CNTNAP5: variants seen among roughly 807,000 people sequenced by gnomAD.
The protein encoded by CNTNAP5 is contactin-associated protein-like 5.
In CNTNAP5, 72 loss-of-function variants were observed where a neutral mutation model predicts 150.2. That is an observed-to-expected ratio of 0.48 (90% CI 0.40 to 0.58). The LOEUF (loss-of-function observed/expected upper bound fraction) is 0.58. Among genes scored for constraint, CNTNAP5 ranks in the 20% least tolerant of loss-of-function variants. The probability of loss-of-function intolerance (pLI) is 0.00; values close to 1 mark genes in which losing one functional copy is unlikely to be tolerated. For missense variants in CNTNAP5, 1,636 were observed against 1,626.2 expected (o/e 1.01, Z -0.10); for synonymous variants, 672 against 619.8 (o/e 1.08, Z -1.25).
chr2:124,231,854 A>G (rs866890861), intron 2 of CNTNAP5, among the ~76,000 whole-genome samples: 8 of 152,284 alleles, frequency 5.3e-5, no homozygotes, highest in Middle Eastern at 3.4e-3. Flanking sequence ...CAGGCTGGCT[A>G]ATTGCAAAAC....
At chr2:124,274,373 A>G (rs1360836580) in intron 3 of CNTNAP5, among the ~76,000 whole-genome samples, 1 of 152,186 alleles carries the variant, frequency 6.6e-6, no homozygotes, top group African/African-American at 2.4e-5. Flanking sequence ...GAAAGAACAA[A>G]AAGTCCTATG....
chr2:124,758,758 A>T (rs1330016320), intron 14 of CNTNAP5, among the ~76,000 whole-genome samples: 8 of 151,976 alleles, frequency 5.3e-5, no homozygotes, highest in Admixed American at 5.2e-4. Context: ...AGAGTGGGAG[A>T]AGTTGAAGGT....
chr2:124,869,346 T>A (rs559626576), intron 20 of CNTNAP5, among the ~76,000 whole-genome samples: 1 of 152,204 alleles, frequency 6.6e-6, no homozygotes, highest in African/African-American at 2.4e-5. Flanking sequence ...AGCAAGTTCC[T>A]GAGCAGGTTT....
At chr2:124,717,219 G>A (rs990117568) in intron 13 of CNTNAP5, among the ~76,000 whole-genome samples, 2 of 152,162 alleles carry the variant, frequency 1.3e-5, no homozygotes, top group African/African-American at 4.8e-5. Flanking sequence ...GAGGAGCAGG[G>A]GAGTGTAGGC....
intron 13 of CNTNAP5, among the ~76,000 whole-genome samples, chr2:124,734,538 C>T (rs1366545344): frequency 1.3e-5 from 2 of 151,898 alleles, no homozygotes; most frequent in Non-Finnish European, 2.9e-5. Context: ...TTTTGGGACT[C>T]TTGTAGCAAA....
At chr2:124,358,305 T>C (rs1690081733) in intron 3 of CNTNAP5, among the ~76,000 whole-genome samples, 3 of 152,230 alleles carry the variant, frequency 2.0e-5, no homozygotes, top group Admixed American at 2.0e-4. Context: ...TTCCTTCTCC[T>C]GCCTAATTGC....
At chr2:124,179,239 A>G (rs1466019839) in intron 1 of CNTNAP5, among the ~76,000 whole-genome samples, 1 of 151,862 alleles carries the variant, frequency 6.6e-6, no homozygotes, top group Non-Finnish European at 1.5e-5. Context: ...AGCTCCCTGC[A>G]ACTTCTGCCT....
intron 5 of CNTNAP5, among the ~76,000 whole-genome samples, chr2:124,436,868 CCTTT>C (rs777530291): frequency 1.4e-4 from 21 of 152,046 alleles, no homozygotes; most frequent in East Asian, 1.9e-4. Context: ...GCAGCTTTTC[CCTTT>C]CTATCAGTTT....
At chr2:124,290,429 C>T (rs1216240035) in intron 3 of CNTNAP5, among the ~76,000 whole-genome samples, 1 of 152,176 alleles carries the variant, frequency 6.6e-6, no homozygotes, top group Non-Finnish European at 1.5e-5. Flanking sequence ...GAACATGGAT[C>T]TTTAAAATTG....
At chr2:124,602,129 C>G (rs12711684) in intron 11 of CNTNAP5, among the ~76,000 whole-genome samples, 84,744 of 151,688 alleles carry the variant, frequency 0.56, 24,260 homozygotes, top group African/African-American at 0.6. Context: ...TGGATCACGA[C>G]GTCAGGAGTT....
At chr2:124,490,920 A>G (rs889230449) in intron 7 of CNTNAP5, among the ~76,000 whole-genome samples, 2 of 152,126 alleles carry the variant, frequency 1.3e-5, no homozygotes, top group African/African-American at 4.8e-5. Context: ...CTTATGTGGT[A>G]TGCATTATAT....
intron 3 of CNTNAP5, among the ~76,000 whole-genome samples, chr2:124,260,784 A>G (rs890505277): frequency 6.6e-6 from 1 of 152,220 alleles, no homozygotes; most frequent in Non-Finnish European, 1.5e-5. Context: ...TAAGAGCTGT[A>G]CACTGAAATG....
At chr2:124,100,195 G>A (rs1016040995) in intron 1 of CNTNAP5, among the ~76,000 whole-genome samples, 2 of 152,022 alleles carry the variant, frequency 1.3e-5, no homozygotes, top group African/African-American at 4.8e-5. Context: ...GCGGAGGGGC[G>A]ACACATTTTT....
intron 13 of CNTNAP5, among the ~76,000 whole-genome samples, chr2:124,705,387 G>T (rs570599293): frequency 6.6e-6 from 1 of 152,260 alleles, no homozygotes; most frequent in Admixed American, 6.5e-5. Context: ...AATTAGGCGG[G>T]TGTGGTGGCA....
intron 11 of CNTNAP5, among the ~76,000 whole-genome samples, chr2:124,580,252 T>G (rs982266134): frequency 6.6e-6 from 1 of 152,228 alleles, no homozygotes; most frequent in Non-Finnish European, 1.5e-5. Context: ...TAAATCAAGT[T>G]TAGCCTAAAG....
rs1681897373 is a variant in CNTNAP5, at chr2:124,057,829, ATTGT to A, written c.82+32102_82+32105del. On this transcript the variant is annotated intron_variant, in intron 1 of 23. Transcript: ENST00000682447. ...GATTAATGGGTACAAAAAGTAGTTA[ATTGT>A]TTGTAATACAAAGGAGAAATGCTTG... Among the ~76,000 whole-genome samples the A allele has an allele frequency of 2.6e-5, 4 of 152,088 alleles. No homozygotes were observed. In the South Asian group the frequency reaches 8.3e-4, roughly 32 times the overall value.
At chr2:124,403,371 A>T (rs1335882673) in intron 3 of CNTNAP5, among the ~76,000 whole-genome samples, 1 of 152,192 alleles carries the variant, frequency 6.6e-6, no homozygotes, top group Non-Finnish European at 1.5e-5. Flanking sequence ...CATATGTATT[A>T]GATGTAAGAT....
intron 8 of CNTNAP5, among the ~76,000 whole-genome samples, chr2:124,518,893 C>T (rs1207769288): frequency 1.3e-5 from 2 of 149,412 alleles, no homozygotes; most frequent in Non-Finnish European, 3.0e-5. Flanking sequence ...GGAGGCTGAG[C>T]CAGGAGAATC....
intron 3 of CNTNAP5, among the ~76,000 whole-genome samples, chr2:124,296,375 C>G (rs181834771): frequency 4.6e-5 from 7 of 152,130 alleles, no homozygotes; most frequent in African/African-American, 1.7e-4. Flanking sequence ...CTTAACTGCC[C>G]GCAAATGGCC....
Sources: allele counts gnomAD v4.1 joint callset (sites outside exome capture counted in the v4.1 genomes callset), GRCh38; gene constraint gnomAD v4.1.1; transcripts MANE v1.5; gene names NCBI Gene and HGNC (gene_info 2026-07-23, HGNC 2026-07-21).